ZNF141: variants seen among roughly 807,000 people sequenced by gnomAD.
ZNF141 encodes the protein zinc finger protein 141 (clone pHZ-44).
Under a neutral mutation model 11.3 loss-of-function variants are expected in ZNF141, and 7 were observed. The observed-to-expected ratio is 0.62, with a 90% CI of 0.35 to 1.16. The LOEUF is 1.16. Ranked by LOEUF, ZNF141 falls within the 50% of genes most tolerant of loss-of-function variation. The pLI, the probability that ZNF141 is intolerant of heterozygous loss-of-function variation, is 0.02. For synonymous variants in ZNF141, 183 were observed against 190.7 expected, an observed-to-expected ratio of 0.96 and a Z score of 0.33; for missense variants, 535 against 554.0, an observed-to-expected ratio of 0.97 and a Z score of 0.34.
At chr4:338,283 G>A in intron 1 of ZNF141, 1 of 389,028 alleles carries the variant, frequency 2.6e-6, no homozygotes, top group East Asian at 6.1e-5. Context: ...GCCGGCGTGG[G>A]AGGAGCTGTG....
At chr4:356,559 G>A (rs537722380) in intron 3 of ZNF141, among the ~76,000 whole-genome samples, 21 of 152,036 alleles carry the variant, frequency 1.4e-4, no homozygotes, top group Middle Eastern at 3.4e-3. Context: ...TGATCCTCCC[G>A]CCTCAGCCTC....
intron 3 of ZNF141, among the ~76,000 whole-genome samples, chr4:345,614 T>C (rs1423826805): frequency 6.6e-6 from 1 of 151,262 alleles, no homozygotes; most frequent in African/African-American, 2.4e-5. Flanking sequence ...TGTAATCCCA[T>C]CTACTTGGGA....
In ZNF141 at chr4:375,213, A is replaced by G. The variant is rs953142956; in HGVS notation, c.*1351A>G. On this transcript the variant is annotated 3_prime_UTR_variant, in exon 4 of 4. Coordinates refer to ENST00000240499, the MANE Select transcript of ZNF141 (RefSeq NM_003441.4). ...TTTCTGTTGAAAGACTTCAGAAAAT[A>G]TAGGCCTTTAAAGTGAAGAAGAGTA... is the stretch of plus-strand genomic sequence containing the variant. The G allele has an allele frequency of 6.6e-5, 10 of 152,266 alleles. No homozygotes were observed. Among genetic ancestry groups the G allele is most frequent in the African/African-American group, 1.9e-4 (8 of 41,584 alleles). The allele number at this position is 152,266 out of a possible 1,614,324, so 9.4% of individuals were successfully genotyped here.
chr4:363,281 A>T (rs1282438030), intron 3 of ZNF141, among the ~76,000 whole-genome samples: 1 of 152,158 alleles, frequency 6.6e-6, no homozygotes, highest in African/African-American at 2.4e-5. Flanking sequence ...GGCTGAGACG[A>T]TGGGGTTTTC....
At chr4:363,774 CG>C (rs59300063) in intron 3 of ZNF141, among the ~76,000 whole-genome samples, 3 of 148,642 alleles carry the variant, frequency 2.0e-5, no homozygotes, top group Non-Finnish European at 3.0e-5. Flanking sequence ...AAAAAAAAGG[CG>C]GGGGGGAATG....
At chr4:365,308 C>G (rs1176381757) in intron 3 of ZNF141, among the ~76,000 whole-genome samples, 1 of 152,226 alleles carries the variant, frequency 6.6e-6, no homozygotes, top group Non-Finnish European at 1.5e-5. Context: ...ATGCCCCACC[C>G]TGTTTCAGCT....
intron 3 of ZNF141, among the ~76,000 whole-genome samples, chr4:357,018 A>G (rs1345723664): frequency 6.6e-6 from 1 of 152,136 alleles, no homozygotes. Flanking sequence ...TCAGTGGTGC[A>G]TTCACAGTTG....
At chr4:357,418 C>CAA (rs565649782) in intron 3 of ZNF141, among the ~76,000 whole-genome samples, 15 of 93,392 alleles carry the variant, frequency 1.6e-4, no homozygotes, top group African/African-American at 5.5e-4. Flanking sequence ...GACTCTGTCT[C>CAA]AAAAAAAAAA....
In ZNF141 at chr4:379,226, G is replaced by T. The variant is rs932491968; in HGVS notation, c.*5364G>T. ...ACCTTTAGCATCACTTGCCCTTTTA[G>T]TGTCTTACATATGTATGATTACCAT... On this transcript the variant is annotated 3_prime_UTR_variant, in exon 4 of 4. Coordinates refer to ENST00000240499, the MANE Select transcript of ZNF141 (RefSeq NM_003441.4). Among the ~76,000 whole-genome samples, 2 of 152,016 alleles carry T rather than the reference G, an allele frequency of 1.3e-5. No individual in the cohort carries two copies. Among genetic ancestry groups the T allele is most frequent in the African/African-American group, 4.8e-5 (2 of 41,364 alleles).
intron 3 of ZNF141, chr4:350,121 T>C (rs370952452): frequency 7.5e-6 from 4 of 533,728 alleles, no homozygotes; most frequent in East Asian, 1.1e-4. Flanking sequence ...GTAGCTGAGA[T>C]TGAATTTGAG....
intron 3 of ZNF141, among the ~76,000 whole-genome samples, chr4:355,039 C>T (rs1392299901): frequency 6.6e-6 from 1 of 151,522 alleles, no homozygotes; most frequent in Non-Finnish European, 1.5e-5. Flanking sequence ...GTTTTTTTCT[C>T]CAGTTTAGTT....
At position 376,892 on chromosome 4, in the gene ZNF141, C is replaced by T. The variant is rs1259391970; in HGVS notation, c.*3030C>T. 6.6e-6 allele frequency among the ~76,000 whole-genome samples: 1 copy of T among 151,992 alleles called. No individual in the cohort carries two copies. Among genetic ancestry groups the T allele is most frequent in the African/African-American group, 2.4e-5 (1 of 41,388 alleles). ...CGTTGAGAATCTCCCCATACAAACT[C>T]CTTGTTTTTATTTGTCTGGTGCTCA... On this transcript the variant is annotated 3_prime_UTR_variant, in exon 4 of 4. Transcript: ENST00000240499.
chr4:342,458 TCTAA>T (rs1200750784), intron 1 of ZNF141, among the ~76,000 whole-genome samples: 42 of 152,246 alleles, frequency 2.8e-4, no homozygotes, highest in African/African-American at 9.6e-4. Context: ...GTCTGCTTTC[TCTAA>T]CTGAGTGGTA....
intron 3 of ZNF141, chr4:358,323 G>C (rs1553851570): frequency 2.8e-6 from 1 of 357,042 alleles, no homozygotes; most frequent in Admixed American, 4.0e-5. Flanking sequence ...AAGTAGCTGG[G>C]ATTAGTCATG....
intron 3 of ZNF141, among the ~76,000 whole-genome samples, chr4:360,712 T>TA (rs1162915900): frequency 8.5e-5 from 13 of 152,070 alleles, no homozygotes; most frequent in Non-Finnish European, 1.9e-4. Context: ...TGGAGCAAGT[T>TA]AAAAAAATAT....
chr4:357,581 C>A (rs373058082), intron 3 of ZNF141, among the ~76,000 whole-genome samples: 1 of 151,938 alleles, frequency 6.6e-6, no homozygotes, highest in African/African-American at 2.4e-5. Context: ...AGACATTATA[C>A]CTTTACACAA....
At chr4:340,531 C>T (rs933174163) in intron 1 of ZNF141, among the ~76,000 whole-genome samples, 4 of 152,214 alleles carry the variant, frequency 2.6e-5, no homozygotes, top group Non-Finnish European at 5.9e-5. Flanking sequence ...CTCCCTTCTC[C>T]CCTTGCCCAA....
chr4:371,263 A>G (rs1324041675), intron 3 of ZNF141, among the ~76,000 whole-genome samples: 8 of 147,326 alleles, frequency 5.4e-5, no homozygotes, highest in Non-Finnish European at 1.0e-4. Flanking sequence ...ATGGAGTCTC[A>G]TTCTGTCACC....
chr4:342,418 G>A (rs1459468996), intron 1 of ZNF141, among the ~76,000 whole-genome samples: 2 of 152,148 alleles, frequency 1.3e-5, no homozygotes, highest in African/African-American at 2.4e-5. Context: ...TTGTGATAAC[G>A]GTGTTGGGGT....
Sources: allele counts gnomAD v4.1 joint callset (sites outside exome capture counted in the v4.1 genomes callset), GRCh38; gene constraint gnomAD v4.1.1; transcripts MANE v1.5; gene names NCBI Gene and HGNC (gene_info 2026-07-23, HGNC 2026-07-21).